The following GARRE1 variants were observed in gnomAD, a reference collection of about 807,000 sequenced individuals.
The protein encoded by GARRE1 is granule associated Rac and RHOG effector 1.
Under a neutral mutation model 103.2 loss-of-function variants are expected in GARRE1, and 49 were observed. That is an observed-to-expected ratio of 0.47 (90% CI 0.38 to 0.60). GARRE1 has a LOEUF of 0.60. Ranked by LOEUF, GARRE1 falls within the 20% of genes least tolerant of loss-of-function variation. The pLI is 0.00. For missense variants in GARRE1, 1,199 were observed against 1,370.5 expected, an observed-to-expected ratio of 0.87 and a Z score of 1.98; for synonymous variants, 505 against 532.8, an observed-to-expected ratio of 0.95 and a Z score of 0.72.
chr19:34,352,848 A>ACGCCCCC lies in GARRE1; in HGVS notation c.3107_3108insGCCCCCC (p.Gln1039ProfsTer25). The ACGCCCCC allele has an allele frequency of 3.3e-5, 53 of 1,591,528 alleles. No homozygotes were observed. The highest frequency in any genetic ancestry group is 4.1e-5 in the Non-Finnish European group (48 of 1,166,534). On this transcript the variant is annotated frameshift_variant, in exon 14 of 14. Transcript: ENST00000299505. LOFTEE classifies it high-confidence loss of function. The stretch of plus-strand genomic sequence containing the variant: ...TGCCGCTGCCTTCTCCTATGTGCAG[A>ACGCCCCC]CCCCACCCCAGCCCCCACCCCCACC...
intron 9 of GARRE1, among the ~76,000 whole-genome samples, chr19:34,340,479 TGG>T (rs2074180866): frequency 2.0e-5 from 3 of 152,058 alleles, no homozygotes; most frequent in Admixed American, 6.6e-5. Context: ...TTTTCTGTCT[TGG>T]TCTTTGTCTT....
chr19:34,329,029 G>C (rs903308581), intron 6 of GARRE1, among the ~76,000 whole-genome samples: 1 of 152,196 alleles, frequency 6.6e-6, no homozygotes, highest in Non-Finnish European at 1.5e-5. Context: ...TAAGAAGAGA[G>C]ATGTTGTTAT....
At position 34,316,728 on chromosome 19, in the gene GARRE1, G is replaced by C. The variant is rs377532468; in HGVS notation, c.496-3179G>C. ...AAGTTATTTACAACACAGATATTTT[G>C]TTACAATCATAATTTGTATGACTGA... On this transcript the variant is annotated intron_variant, in intron 2 of 13. Coordinates refer to ENST00000299505, the MANE Select transcript of GARRE1 (RefSeq NM_014686.5). 5.9e-5 allele frequency among the ~76,000 whole-genome samples: 9 copies of C among 152,282 alleles called. No individual in the cohort carries two copies. In the South Asian group the frequency reaches 6.2e-4, roughly 11 times the overall value.
intron 1 of GARRE1, among the ~76,000 whole-genome samples, chr19:34,282,861 A>G (rs2073863596): frequency 6.6e-6 from 1 of 152,190 alleles, no homozygotes; most frequent in African/African-American, 2.4e-5. Context: ...TTGGCCCTGC[A>G]TGTTGTAAAA....
intron 1 of GARRE1, among the ~76,000 whole-genome samples, chr19:34,254,945 C>T (rs990342944): frequency 7.9e-5 from 12 of 151,498 alleles, no homozygotes; most frequent in Admixed American, 3.3e-4. Flanking sequence ...GGAAAGGGGA[C>T]GCTCCCTCGG....
intron 1 of GARRE1, among the ~76,000 whole-genome samples, chr19:34,289,593 G>A (rs149959675): frequency 7.0e-4 from 106 of 151,794 alleles, no homozygotes; most frequent in East Asian, 3.7e-3. Flanking sequence ...GTGTGGTGGC[G>A]CGTGTCTGTT....
chr19:34,304,079 T>C (rs534120841), intron 2 of GARRE1, among the ~76,000 whole-genome samples: 22 of 146,680 alleles, frequency 1.5e-4, no homozygotes, highest in Middle Eastern at 3.4e-3. Flanking sequence ...TCATTCTACT[T>C]TGGATCTATC....
rs753481752 is a variant in GARRE1, at chr19:34,300,371, C to T, written c.-103C>T. ...CATGGAAATGCCTTTTTTAAAACTT[C>T]GATTTGCAGAACTCCACTATTTTTA... On this transcript the variant is annotated 5_prime_UTR_variant, in exon 2 of 14. The change creates a premature stop within an existing upstream ORF in the 5' untranslated region. Transcript: ENST00000299505. The T allele has an allele frequency of 3.2e-5, 44 of 1,387,166 alleles. No homozygotes were observed. The highest frequency in any genetic ancestry group is 4.1e-5 in the Non-Finnish European group (42 of 1,035,520). 85.9% of individuals were successfully genotyped at this position (1,387,166 alleles called of 1,614,324 possible).
At chr19:34,269,999 C>G (rs2073776753) in intron 1 of GARRE1, among the ~76,000 whole-genome samples, 1 of 152,240 alleles carries the variant, frequency 6.6e-6, no homozygotes, top group Admixed American at 6.5e-5. Flanking sequence ...TTCTTTTCCT[C>G]TGGCCTTGCT....
intron 11 of GARRE1, 187 bp from the exon 12 acceptor site, chr19:34,348,829 A>C: frequency 1.6e-6 from 1 of 635,506 alleles, no homozygotes; most frequent in Non-Finnish European, 2.7e-6. Flanking sequence ...AATAAAGGGA[A>C]TTGATGAATA....
At chr19:34,270,927 C>T (rs2073783360) in intron 1 of GARRE1, among the ~76,000 whole-genome samples, 1 of 152,146 alleles carries the variant, frequency 6.6e-6, no homozygotes, top group Non-Finnish European at 1.5e-5. Flanking sequence ...GGCCTCTACC[C>T]ACTGGATGCT....
At chr19:34,282,062 TTCTTCTCGTTTTTA>T (rs2073857580) in intron 1 of GARRE1, among the ~76,000 whole-genome samples, 1 of 152,246 alleles carries the variant, frequency 6.6e-6, no homozygotes, top group Non-Finnish European at 1.5e-5. Context: ...CCCATTTTAT[TTCTTCTCGTTTTTA>T]TCTTGGCAAT....
intron 3 of GARRE1, among the ~76,000 whole-genome samples, chr19:34,321,337 A>G (rs2074087997): frequency 6.7e-6 from 1 of 149,858 alleles, no homozygotes; most frequent in African/African-American, 2.5e-5. Context: ...TGGCCTCCCA[A>G]AGTGCTGGGA....
chr19:34,306,581 A>G (rs1029247233), intron 2 of GARRE1, among the ~76,000 whole-genome samples: 6 of 152,176 alleles, frequency 3.9e-5, no homozygotes, highest in Non-Finnish European at 8.8e-5. Flanking sequence ...GTTCACCCTC[A>G]CAGTCTCTCT....
In GARRE1 at chr19:34,292,086, G is replaced by A. The variant is rs563040794; in HGVS notation, c.-795-7593G>A. 3.3e-5 allele frequency among the ~76,000 whole-genome samples: 5 copies of A among 152,150 alleles called. No individual in the cohort carries two copies. The South Asian group carries it at 8.3e-4, about 25-fold the overall frequency. ...CATGTTGGCCAGGCTGGTCTCAAAT[G>A]CCTGGCCTCAAGTGATCTGCCCCCC... On this transcript the variant is annotated intron_variant, in intron 1 of 13. Coordinates refer to ENST00000299505, the MANE Select transcript of GARRE1 (RefSeq NM_014686.5).
chr19:34,269,186 A>G (rs1264071593), intron 1 of GARRE1, among the ~76,000 whole-genome samples: 1 of 152,230 alleles, frequency 6.6e-6, no homozygotes, highest in African/African-American at 2.4e-5. Flanking sequence ...GAGGAACGCC[A>G]TGGTTTGTGG....
At chr19:34,297,367 A>G (rs956922345) in intron 1 of GARRE1, among the ~76,000 whole-genome samples, 2 of 152,202 alleles carry the variant, frequency 1.3e-5, no homozygotes, top group African/African-American at 2.4e-5. Flanking sequence ...AAGCATTATA[A>G]GTTTCATTTA....
chr19:34,284,920 G>A (rs1034095731), intron 1 of GARRE1, among the ~76,000 whole-genome samples: 3 of 152,146 alleles, frequency 2.0e-5, no homozygotes, highest in African/African-American at 4.8e-5. Flanking sequence ...AGCTGGGCAC[G>A]GTGGCATATG....
rs545818491 is a variant in GARRE1, at chr19:34,339,911, G to T, written c.1406G>T (p.Ser469Ile). The T allele has an allele frequency of 4.6e-5, 74 of 1,614,174 alleles. No homozygotes were observed. The South Asian group carries it at 7.6e-4, about 17-fold the overall frequency. Residue 469 changes from serine (S) to isoleucine (I), a missense_variant, in exon 9 of 14, where the codon AGC (serine) becomes ATC (isoleucine). Transcript: ENST00000299505. ...GCTACCATGTCCCTGCTGCAGAGAAGCCTTGATCCTGAGAAGACCCTGGGT... is the reference window on the plus strand; with the variant it reads ...GCTACCATGTCCCTGCTGCAGAGAATCCTTGATCCTGAGAAGACCCTGGGT... ...DPATMSLLQR[S>I]LDPEKTLGLV...
Sources: gnomAD v4.1 joint callset for allele counts (sites outside exome capture counted in the v4.1 genomes callset) on GRCh38, gnomAD v4.1.1 for gene constraint, MANE v1.5 for transcripts, NCBI Gene and HGNC (gene_info 2026-07-23, HGNC 2026-07-21) for gene names.